Variants in SPON2 observed in about 807,000 individuals in gnomAD.
SPON2 encodes the protein spondin-2.
Under a neutral mutation model 29.9 loss-of-function variants are expected in SPON2, and 32 were observed. The observed-to-expected ratio is 1.07, with a 90% CI of 0.81 to 1.44. SPON2 has a LOEUF of 1.44. Among genes scored for constraint, SPON2 ranks in the 40% most tolerant of loss-of-function variants. The probability of loss-of-function intolerance (pLI) is 0.00; values close to 1 mark genes in which losing one functional copy is unlikely to be tolerated. For missense variants in SPON2, 541 were observed against 455.5 expected (o/e 1.19, Z -1.71); for synonymous variants, 248 against 209.1 (o/e 1.19, Z -1.61).
At chr4:1,188,298 A>C (rs2108663362) in intron 1 of SPON2, among the ~76,000 whole-genome samples, 1 of 152,266 alleles carries the variant, frequency 6.6e-6, no homozygotes, top group Non-Finnish European at 1.5e-5. Context: ...ATATGGAAAC[A>C]GAGGAACAAA....
Position 1,192,624 on chromosome 4 carries a change from C to T in SPON2, c.-239+2366G>A, listed in dbSNP as rs58720755. On this transcript the variant is annotated intron_variant, in intron 1 of 3. Coordinates refer to the SPON2 transcript ENST00000502483. Reference sequence around the variant, plus strand: ...TGGCTCAGGCTAAGCCGGAGCTGCCCGGGGCAAACAAAGAGGGACCTGCCT... The same window carrying T: ...TGGCTCAGGCTAAGCCGGAGCTGCCTGGGGCAAACAAAGAGGGACCTGCCT... Among the ~76,000 whole-genome samples the T allele has an allele frequency of 8.2e-3, 1,254 of 152,282 alleles. 15 individuals are homozygous for T. The highest frequency in any genetic ancestry group is 0.028 in the African/African-American group (1,178 of 41,548).
intron 1 of SPON2, among the ~76,000 whole-genome samples, chr4:1,206,921 T>C (rs76832488): frequency 0.022 from 2,733 of 122,686 alleles, 87 homozygotes; most frequent in African/African-American, 0.081. Context: ...TGGGAGGAGA[T>C]AGGGACAGGA....
chr4:1,207,583 A>C (rs1052897955), intron 1 of SPON2, among the ~76,000 whole-genome samples: 7 of 134,686 alleles, frequency 5.2e-5, no homozygotes, highest in African/African-American at 1.8e-4. Context: ...GCGCTTACAC[A>C]TGCTCCAGAG....
Position 1,167,285 on chromosome 4 carries a change from G to T in SPON2, c.*187C>A, listed in dbSNP as rs1205373266. The T allele has an allele frequency of 3.5e-6, 2 of 578,430 alleles. No individual in the cohort carries two copies. Among genetic ancestry groups the T allele is most frequent in the African/African-American group, 1.9e-5 (1 of 52,858 alleles). The allele number at this position is 578,430 out of a possible 1,614,324, so 35.8% of individuals were successfully genotyped here. A position where few individuals can be genotyped will look rare whatever the true frequency, so the allele number is the denominator to read the frequency against. ...AGAAGCAAGGTTGGGAAAGGAGGAGGCTGTTTCCCAATGCCCGTGCCGGCC... is the reference window on the plus strand; with the variant it reads ...AGAAGCAAGGTTGGGAAAGGAGGAGTCTGTTTCCCAATGCCCGTGCCGGCC... On this transcript the variant is annotated 3_prime_UTR_variant, in exon 6 of 6. Coordinates refer to ENST00000290902, the MANE Select transcript of SPON2 (RefSeq NM_012445.4).
intron 1 of SPON2, among the ~76,000 whole-genome samples, chr4:1,201,675 T>C (rs908118089): frequency 6.6e-6 from 1 of 151,954 alleles, no homozygotes; most frequent in African/African-American, 2.4e-5. Context: ...CTCCGCCTCC[T>C]GGGTTCACGC....
chr4:1,176,836 A>AGTTCATTCACACACTTCATT (rs1727611186), upstream of SPON2, among the ~76,000 whole-genome samples: 8 of 117,306 alleles, frequency 6.8e-5, no homozygotes, highest in Admixed American at 3.0e-4. Flanking sequence ...ATTCATTCAC[A>AGTTCATTCACACACTTCATT]CAGTTCATTC....
chr4:1,176,232 G>A (rs1393027186), upstream of SPON2, among the ~76,000 whole-genome samples: 1 of 152,092 alleles, frequency 6.6e-6, no homozygotes, highest in African/African-American at 2.4e-5. Context: ...TGAACCAGAA[G>A]TCTCTATCCT....
intron 1 of SPON2, among the ~76,000 whole-genome samples, chr4:1,207,304 T>A (rs956171268): frequency 1.3e-5 from 2 of 152,008 alleles, no homozygotes; most frequent in Admixed American, 1.3e-4. Flanking sequence ...ACACCCTCCG[T>A]CCCACCAGTG....
upstream of SPON2, among the ~76,000 whole-genome samples, chr4:1,176,446 T>C (rs537750030): frequency 1.3e-5 from 2 of 151,594 alleles, no homozygotes; most frequent in Non-Finnish European, 2.9e-5. Flanking sequence ...CATTCATTCA[T>C]TCACTCACTC....
chr4:1,204,341 C>T lies in SPON2; in HGVS notation c.-234+3539G>A, dbSNP rs113288350. Among the ~76,000 whole-genome samples the T allele has an allele frequency of 4.3e-3, 652 of 152,324 alleles. 5 individuals carry two copies. Among genetic ancestry groups the T allele is most frequent in the African/African-American group, 0.015 (623 of 41,552 alleles). On this transcript the variant is annotated intron_variant, in intron 1 of 3. Transcript: ENST00000509233. ...GAAATGCTACTGTGTGACCCCATGA[C>T]CTCAGCCTGATGTGCAGGGGTCCCC... is the stretch of plus-strand genomic sequence containing the variant.
upstream of SPON2, among the ~76,000 whole-genome samples, chr4:1,174,114 C>T (rs1727540326): frequency 6.6e-6 from 1 of 152,098 alleles, no homozygotes; most frequent in South Asian, 2.1e-4. Flanking sequence ...TCTGTGGTCC[C>T]GGCTACTCAG....
At chr4:1,194,287 G>A (rs1307100254) in intron 1 of SPON2, among the ~76,000 whole-genome samples, 1 of 152,172 alleles carries the variant, frequency 6.6e-6, no homozygotes, top group African/African-American at 2.4e-5. Context: ...GCCCAGTCAG[G>A]GTGGCAGGAA....
chr4:1,175,424 C>G (rs912330375), upstream of SPON2, among the ~76,000 whole-genome samples: 2 of 152,212 alleles, frequency 1.3e-5, no homozygotes, highest in Non-Finnish European at 2.9e-5. Context: ...GCCCTCATGC[C>G]GTCTCAGTGA....
intron 1 of SPON2, among the ~76,000 whole-genome samples, chr4:1,188,456 A>T (rs1311931014): frequency 6.6e-6 from 1 of 152,234 alleles, no homozygotes; most frequent in East Asian, 1.9e-4. Flanking sequence ...ACCATGATTC[A>T]ACGCACATTC....
chr4:1,183,163 A>T (rs776243804), intron 1 of SPON2, among the ~76,000 whole-genome samples: 2 of 151,472 alleles, frequency 1.3e-5, no homozygotes, highest in East Asian at 3.9e-4. Context: ...ATCGCTTAGA[A>T]CACGGGAGGT....
rs1239512602 is a variant in SPON2, at chr4:1,202,763, G to T, written c.-234+5117C>A. Among the ~76,000 whole-genome samples, 2 of 152,182 alleles carry T rather than the reference G, an allele frequency of 1.3e-5. No individual in the cohort carries two copies. The highest frequency in any genetic ancestry group is 2.9e-5 in the Non-Finnish European group (2 of 68,030). ...GATGAGCCTCTGCCTGGGCCCCAAG[G>T]CTGTCAGCAACATGCTTTGAAATCT... On this transcript the variant is annotated intron_variant, in intron 1 of 3. Coordinates refer to the SPON2 transcript ENST00000509233. The surrounding 1 kb of genome is among the most constrained non-coding windows in gnomAD (Gnocchi z 5.4).
chr4:1,175,200 T>C (rs942274356), upstream of SPON2, among the ~76,000 whole-genome samples: 2 of 152,256 alleles, frequency 1.3e-5, no homozygotes, highest in African/African-American at 2.4e-5. Context: ...GCAAAGCTAC[T>C]GGCTCTGGGT....
Position 1,167,530 on chromosome 4 carries a change from C to A in SPON2, c.938G>T (p.Gly313Val), listed in dbSNP as rs755049881. The A allele has an allele frequency of 1.2e-6, 2 of 1,613,804 alleles. No homozygotes were observed. Among genetic ancestry groups the A allele is most frequent in the Non-Finnish European group, 8.5e-7 (1 of 1,180,008 alleles). Residue 313 changes from glycine (G) to valine (V), a missense_variant, in exon 6 of 6, where the codon GGG becomes GTG. Gly to Val is a moderately radical substitution (Grantham distance 109, BLOSUM62 -3). Coordinates refer to ENST00000290902, the MANE Select transcript of SPON2 (RefSeq NM_012445.4). Reference sequence around the variant, plus strand: ...TTCTTCGAGCTCGGGGCAGGGGCTCCCGTTGTTGGCGGGCTGGACCCGGAC... The same window carrying A: ...TTCTTCGAGCTCGGGGCAGGGGCTCACGTTGTTGGCGGGCTGGACCCGGAC... ...RYVRVQPANNGSPCPELEEEA... is the reference protein window; with the variant it reads ...RYVRVQPANNVSPCPELEEEA...
At chr4:1,170,801 G>T in intron 4 of SPON2, 198 bp downstream of exon 4, 2 of 964,506 alleles carry the variant, frequency 2.1e-6, no homozygotes, top group Admixed American at 2.0e-5. Context: ...TCCTCCCTGC[G>T]GTGCTGTGAC....
Sources: allele counts gnomAD v4.1 joint callset (sites outside exome capture counted in the v4.1 genomes callset), GRCh38; gene constraint gnomAD v4.1.1; non-coding constraint Gnocchi (gnomAD v3.1); transcripts MANE v1.5; gene names NCBI Gene and HGNC (gene_info 2026-07-23, HGNC 2026-07-21).